The following RPAP3 variants were observed in gnomAD, a reference collection of about 807,000 sequenced individuals.
RPAP3 encodes the protein RNA polymerase II associated protein 3.
A neutral mutation model predicts 88.8 loss-of-function variants in RPAP3; 58 were observed. The observed-to-expected ratio is 0.65, with a 90% CI of 0.53 to 0.81. The LOEUF (loss-of-function observed/expected upper bound fraction) is 0.81, where lower values mean the gene tolerates loss of function less well. Among genes scored for constraint, RPAP3 ranks in the 40% least tolerant of loss-of-function variants. The probability of loss-of-function intolerance (pLI) is 0.00; values close to 1 mark genes in which losing one functional copy is unlikely to be tolerated. For missense variants in RPAP3, 751 were observed against 764.3 expected (o/e 0.98, Z 0.20); for synonymous variants, 255 against 259.9 (o/e 0.98, Z 0.18).
chr12:47,679,362 G>A (rs1939177705), intron 12 of RPAP3, 131 bp downstream of exon 12: 5 of 566,606 alleles, frequency 8.8e-6, no homozygotes, highest in Admixed American at 3.1e-5. Flanking sequence ...AGATCTGCAC[G>A]TTGTGCACAT....
At chr12:47,667,920 G>T in intron 14 of RPAP3, 69 bp from the exon 15 acceptor site, 1 of 1,020,526 alleles carries the variant, frequency 9.8e-7, no homozygotes, top group Non-Finnish European at 1.5e-6. Flanking sequence ...CACAACAATT[G>T]CTTGGGTAAA....
chr12:47,667,665 A>C, intron 15 of RPAP3, 89 bp downstream of exon 15: 1 of 695,492 alleles, frequency 1.4e-6, no homozygotes. Context: ...CCTATGTCTT[A>C]ATCATTTTAA....
chr12:47,699,272 T>A (rs1939602487), intron 3 of RPAP3: 1 of 152,080 alleles, frequency 6.6e-6, no homozygotes, highest in Non-Finnish European at 1.5e-5. Context: ...GTAGAAAACA[T>A]CTCTGTAAGA....
intron 5 of RPAP3, among the ~76,000 whole-genome samples, chr12:47,690,905 C>A (rs1168124676): frequency 1.3e-5 from 2 of 152,174 alleles, no homozygotes; most frequent in Non-Finnish European, 2.9e-5. Flanking sequence ...CCAGTGCATA[C>A]AAAAGTTTTA....
chr12:47,691,810 G>A (rs1043858272), intron 5 of RPAP3, among the ~76,000 whole-genome samples: 2 of 151,428 alleles, frequency 1.3e-5, no homozygotes, highest in African/African-American at 2.4e-5. Context: ...GCAGTGGCAC[G>A]ATCTGGCTCA....
chr12:47,687,738 G>T, intron 8 of RPAP3, 138 bp downstream of exon 8: 1 of 931,510 alleles, frequency 1.1e-6, no homozygotes, highest in African/African-American at 1.7e-5. Context: ...GGTCCCAGAG[G>T]CTTTAGTGCA....
Position 47,670,113 on chromosome 12 carries a change from G to T in RPAP3, c.1520C>A (p.Ser507Tyr). ...TAACAGTATTTCTACTCACTGCAGG[G>T]ATGAAGTATCACTGACTTCTTCTAT... ...LKIEEVSDTS[S>Y]LQPQASLKQD... Residue 507 changes from serine (S) to tyrosine (Y), a missense_variant, in exon 13 of 17, where the codon TCC (serine) becomes TAC (tyrosine). Transcript: ENST00000005386. The T allele has an allele frequency of 1.3e-6, 2 of 1,574,748 alleles. No individual in the cohort carries two copies. The highest frequency in any genetic ancestry group is 1.7e-6 in the Non-Finnish European group (2 of 1,144,396).
At chr12:47,693,546 T>C (rs1441282470) in intron 5 of RPAP3, among the ~76,000 whole-genome samples, 1 of 152,222 alleles carries the variant, frequency 6.6e-6, no homozygotes, top group Non-Finnish European at 1.5e-5. Context: ...AAAAACAGTA[T>C]CTGTGGACGC....
chr12:47,702,509 G>A (rs974830640), intron 2 of RPAP3, among the ~76,000 whole-genome samples, 179 bp downstream of exon 2: 1 of 152,022 alleles, frequency 6.6e-6, no homozygotes, highest in African/African-American at 2.4e-5. Flanking sequence ...AGCCGAGATC[G>A]CGCCACTGCA....
chr12:47,671,730 T>C (rs2136610988), intron 12 of RPAP3, among the ~76,000 whole-genome samples: 1 of 152,306 alleles, frequency 6.6e-6, no homozygotes, highest in African/African-American at 2.4e-5. Context: ...ACAACAGATA[T>C]GTAAATAATG....
At chr12:47,670,048 A>G in intron 13 of RPAP3, 59 bp downstream of exon 13, 1 of 1,094,080 alleles carries the variant, frequency 9.1e-7, no homozygotes, top group Non-Finnish European at 1.4e-6. Flanking sequence ...AGTAATATCA[A>G]TTCTCCATTG....
At chr12:47,673,547 T>G (rs953044315) in intron 12 of RPAP3, among the ~76,000 whole-genome samples, 1 of 149,700 alleles carries the variant, frequency 6.7e-6, no homozygotes. Context: ...AGTACAAACA[T>G]AGCAAAACAA....
intron 6 of RPAP3, among the ~76,000 whole-genome samples, chr12:47,689,793 G>T (rs1201276918): frequency 6.6e-6 from 1 of 152,142 alleles, no homozygotes; most frequent in African/African-American, 2.4e-5. Flanking sequence ...TGTAATCCCA[G>T]CACTTTGGGA....
At chr12:47,676,351 G>A (rs1178741888) in intron 12 of RPAP3, among the ~76,000 whole-genome samples, 1 of 152,080 alleles carries the variant, frequency 6.6e-6, no homozygotes, top group Admixed American at 6.5e-5. Context: ...AGAAGCAAGA[G>A]CAAACAAATT....
chr12:47,694,472 T>C (rs112827564), intron 5 of RPAP3, among the ~76,000 whole-genome samples: 6 of 152,296 alleles, frequency 3.9e-5, no homozygotes, highest in South Asian at 4.1e-4. Flanking sequence ...ACAAATCATT[T>C]TATAAAGTCC....
chr12:47,692,739 A>G (rs1246781650), intron 5 of RPAP3, among the ~76,000 whole-genome samples: 1 of 152,238 alleles, frequency 6.6e-6, no homozygotes, highest in Non-Finnish European at 1.5e-5. Context: ...AACTGGCACA[A>G]GAGGCCTAGC....
chr12:47,697,339 G>T (rs181257663), intron 4 of RPAP3, among the ~76,000 whole-genome samples: 1 of 152,208 alleles, frequency 6.6e-6, no homozygotes, highest in Admixed American at 6.5e-5. Context: ...GTTGAGGTTG[G>T]TAATATTATC....
At chr12:47,675,038 C>A (rs1015003347) in intron 12 of RPAP3, among the ~76,000 whole-genome samples, 1 of 152,206 alleles carries the variant, frequency 6.6e-6, no homozygotes, top group African/African-American at 2.4e-5. Flanking sequence ...ATCAGACTAA[C>A]AGCAGATCTC....
intron 12 of RPAP3, among the ~76,000 whole-genome samples, chr12:47,671,217 TG>T (rs1165980127): frequency 2.6e-5 from 4 of 152,132 alleles, no homozygotes; most frequent in African/African-American, 7.2e-5. Context: ...AGAAATACAC[TG>T]AGGAGCTATT....
Sources: gnomAD v4.1 joint callset for allele counts (sites outside exome capture counted in the v4.1 genomes callset) on GRCh38, gnomAD v4.1.1 for gene constraint, MANE v1.5 for transcripts, NCBI Gene and HGNC (gene_info 2026-07-23, HGNC 2026-07-21) for gene names.